WWP2: variants seen among roughly 807,000 people sequenced by gnomAD.
WWP2 encodes WW domain containing E3 ubiquitin protein ligase 2.
Under a neutral mutation model 121.0 loss-of-function variants are expected in WWP2, and 57 were observed. The observed-to-expected ratio is 0.47, with a 90% CI of 0.38 to 0.59. WWP2 has a LOEUF of 0.59. WWP2 is among the 20% of genes least tolerant of loss of function. The probability of loss-of-function intolerance (pLI) is 0.00; values close to 1 mark genes in which losing one functional copy is unlikely to be tolerated. For missense variants in WWP2, 962 were observed against 1,158.9 expected, an observed-to-expected ratio of 0.83 and a Z score of 2.47; for synonymous variants, 449 against 441.3, an observed-to-expected ratio of 1.02 and a Z score of -0.22.
intron 2 of WWP2, among the ~76,000 whole-genome samples, chr16:69,795,269 CACACACA>C (rs2056007570): frequency 6.6e-6 from 1 of 151,468 alleles, no homozygotes; most frequent in Admixed American, 6.6e-5. Flanking sequence ...TACACACACA[CACACACA>C]CACACACACA....
intron 12 of WWP2, 21 bp downstream of exon 12, chr16:69,929,550 G>C (rs113632338): frequency 4.3e-6 from 7 of 1,612,276 alleles, no homozygotes; most frequent in East Asian, 2.2e-5. Context: ...GGGCTGAGAG[G>C]GGGGCCGGGC....
chr16:69,909,405 C>T (rs896700786), intron 9 of WWP2: 14 of 985,710 alleles, frequency 1.4e-5, no homozygotes, highest in African/African-American at 5.2e-5. Context: ...CTTCCCCTGC[C>T]CTGAGTTTGT....
At chr16:69,830,882 G>A (rs62051390) in intron 4 of WWP2, among the ~76,000 whole-genome samples, 49 of 152,272 alleles carry the variant, frequency 3.2e-4, no homozygotes, top group Non-Finnish European at 5.1e-4. Flanking sequence ...TGAGTTTCAG[G>A]GAACTGGGGA....
rs573481981 is a variant in WWP2 at position 69,792,591 on chromosome 16, A to T, written c.70+5511A>T. 1.3e-3 allele frequency among the ~76,000 whole-genome samples: 191 copies of T among 152,346 alleles called. 1 individual carries two copies. The highest frequency in any genetic ancestry group is 3.3e-3 in the South Asian group (16 of 4,826). On this transcript the variant is annotated intron_variant, in intron 2 of 23. Coordinates refer to ENST00000359154, the MANE Select transcript of WWP2 (RefSeq NM_001270454.2). ...GTAGGTTACAAATGTGTCAGTGGAG[A>T]GACCTGGCCAACTCCACATTAAGCA...
Position 69,850,386 on chromosome 16 carries a change from CA to C in WWP2, c.575+8282del, listed in dbSNP as rs575466932. 5.9e-3 allele frequency among the ~76,000 whole-genome samples: 701 copies of C among 118,466 alleles called. 4 individuals carry two copies. The highest frequency in any genetic ancestry group is 0.018 in the Middle Eastern group (4 of 220). The allele number at this position is 118,466 out of a possible 152,430, so 77.7% of individuals were successfully genotyped here. ...TGGGCAACAGACTGAGACTCCATCT[CA>C]AAAAAAAAAAAAAAATGATGAAAAG... On this transcript the variant is annotated intron_variant, in intron 6 of 23. Transcript: ENST00000359154.
At chr16:69,863,642 AAAACAAACAAAGAAAC>A (rs1394603365) in intron 6 of WWP2, among the ~76,000 whole-genome samples, 1 of 152,178 alleles carries the variant, frequency 6.6e-6, no homozygotes, top group Non-Finnish European at 1.5e-5. Flanking sequence ...CTCCGTCTCA[AAAACAAACAAAGAAAC>A]AAACAAACAA....
chr16:69,870,046 C>G (rs1340469076), intron 6 of WWP2, among the ~76,000 whole-genome samples: 1 of 152,164 alleles, frequency 6.6e-6, no homozygotes, highest in Non-Finnish European at 1.5e-5. Context: ...ACCTAAGAGC[C>G]TAGGCTCTTG....
intron 4 of WWP2, among the ~76,000 whole-genome samples, chr16:69,815,499 A>T (rs1316519131): frequency 8.7e-5 from 13 of 149,332 alleles, no homozygotes; most frequent in South Asian, 6.3e-4. Flanking sequence ...AAAAAAAAAA[A>T]GGAGAGGGGC....
At position 69,934,091 on chromosome 16, in the gene WWP2, C is replaced by A. The variant is rs758903595; in HGVS notation, c.1804C>A (p.Leu602Ile). 1.2e-6 allele frequency: 2 copies of A among 1,614,224 alleles called. No individual in the cohort carries two copies. Among genetic ancestry groups the A allele is most frequent in the Admixed American group, 3.3e-5 (2 of 60,030 alleles). The change falls in exon 17 of 24, where the codon CTC becomes ATC. Residue 602 changes from leucine to isoleucine, a missense_variant. Around this residue, in one of 3 missense-constraint regions of WWP2, gnomAD observed 606 missense variants for 772.6 expected, o/e 0.78. Transcript: ENST00000359154. Reference sequence around the variant, plus strand: ...CGCCTCCTCCATCAACCCGGACCACCTCACCTACTTTCGCTTTATAGGCAG... The same window carrying A: ...CGCCTCCTCCATCAACCCGGACCACATCACCTACTTTCGCTTTATAGGCAG... Reference protein sequence around the residue: ...NPASSINPDHLTYFRFIGRFI... With the variant: ...NPASSINPDHITYFRFIGRFI...
intron 8 of WWP2, among the ~76,000 whole-genome samples, chr16:69,889,979 G>C (rs1012696693): frequency 2.0e-5 from 3 of 152,084 alleles, no homozygotes; most frequent in African/African-American, 7.2e-5. Flanking sequence ...GTTTGAGACA[G>C]GGTCTCACTC....
At chr16:69,763,755 T>C (rs531213759) in intron 1 of WWP2, among the ~76,000 whole-genome samples, 13 of 152,224 alleles carry the variant, frequency 8.5e-5, no homozygotes, top group Non-Finnish European at 1.6e-4. Flanking sequence ...TCATATTTTA[T>C]TTGGCTGCTA....
chr16:69,918,549 C>A (rs2058509276), intron 10 of WWP2, among the ~76,000 whole-genome samples: 1 of 152,218 alleles, frequency 6.6e-6, no homozygotes, highest in Admixed American at 6.5e-5. Flanking sequence ...GCTCAGAAAT[C>A]CTAAAGTAGC....
chr16:69,763,976 A>G (rs2038673365), intron 1 of WWP2, among the ~76,000 whole-genome samples: 1 of 152,172 alleles, frequency 6.6e-6, no homozygotes, highest in Admixed American at 6.5e-5. Flanking sequence ...AGTCTCTTTC[A>G]CTTCATGATT....
At chr16:69,813,521 C>T (rs2056435136) in intron 4 of WWP2, among the ~76,000 whole-genome samples, 1 of 151,950 alleles carries the variant, frequency 6.6e-6, no homozygotes, top group Admixed American at 6.6e-5. Context: ...CTCTGTCACC[C>T]AGGCTGGAGT....
At chr16:69,930,062 C>A in intron 12 of WWP2, 68 bp from the exon 13 acceptor site, 1 of 1,605,378 alleles carries the variant, frequency 6.2e-7, no homozygotes, top group Non-Finnish European at 8.5e-7. Flanking sequence ...CTTTGAGGAC[C>A]CAGCCTCCAA....
chr16:69,921,748 A>G lies in WWP2; in HGVS notation c.1180-3682A>G, dbSNP rs562175900. ...TGACGGGACTATCACACGGCCGACAATTTCTGGGGCATCTCTCTCTGCAGT... is the reference window on the plus strand; with the variant it reads ...TGACGGGACTATCACACGGCCGACAGTTTCTGGGGCATCTCTCTCTGCAGT... On this transcript the variant is annotated intron_variant, in intron 10 of 23. Transcript: ENST00000359154. Among the ~76,000 whole-genome samples the G allele has an allele frequency of 5.9e-5, 9 of 152,194 alleles. No homozygotes were observed. The East Asian group carries it at 7.7e-4, about 13-fold the overall frequency.
chr16:69,800,281 G>C (rs1176722444), intron 4 of WWP2, among the ~76,000 whole-genome samples: 2 of 152,096 alleles, frequency 1.3e-5, no homozygotes, highest in African/African-American at 4.8e-5. Flanking sequence ...AGAACTCCCT[G>C]ATTGCTTTGT....
At chr16:69,929,015 G>C (rs1748361439) in intron 11 of WWP2, among the ~76,000 whole-genome samples, 1 of 152,176 alleles carries the variant, frequency 6.6e-6, no homozygotes, top group Non-Finnish European at 1.5e-5. Flanking sequence ...GCCCAGGTTA[G>C]CTGCATGCAG....
At chr16:69,919,136 C>T (rs2058518535) in intron 10 of WWP2, among the ~76,000 whole-genome samples, 1 of 151,942 alleles carries the variant, frequency 6.6e-6, no homozygotes, top group Non-Finnish European at 1.5e-5. Context: ...GAGCCACCAT[C>T]CCCGACCACA....
Sources: allele counts gnomAD v4.1 joint callset (sites outside exome capture counted in the v4.1 genomes callset), GRCh38; gene constraint gnomAD v4.1.1; regional missense constraint gnomAD v4.1.1; transcripts MANE v1.5; gene names NCBI Gene and HGNC (gene_info 2026-07-23, HGNC 2026-07-21).